TTC7B: variants seen among roughly 807,000 people sequenced by gnomAD.
The protein encoded by TTC7B is tetratricopeptide repeat domain 7B.
In TTC7B, 28 loss-of-function variants were observed where a neutral mutation model predicts 106.8. The ratio of observed to expected loss-of-function variants is 0.26; its 90% CI spans 0.19 to 0.36. TTC7B has a LOEUF of 0.36. Among genes scored for constraint, TTC7B ranks in the 10% least tolerant of loss-of-function variants. The pLI, the probability that TTC7B is intolerant of heterozygous loss-of-function variation, is 1.00. For missense variants in TTC7B, 862 were observed against 1,076.4 expected, an observed-to-expected ratio of 0.80 and a Z score of 2.79; for synonymous variants, 405 against 430.6, an observed-to-expected ratio of 0.94 and a Z score of 0.74.
chr14:90,582,281 A>G (rs551091077), intron 18 of TTC7B, among the ~76,000 whole-genome samples: 7 of 152,348 alleles, frequency 4.6e-5, no homozygotes, highest in African/African-American at 1.4e-4. Flanking sequence ...CCACAGTGTC[A>G]TGAGAACATG....
chr14:90,638,210 T>C (rs1235623202), intron 15 of TTC7B, among the ~76,000 whole-genome samples: 2 of 152,114 alleles, frequency 1.3e-5, no homozygotes. Context: ...TGGTAAAACA[T>C]TGAAAGAATT....
chr14:90,810,145 T>C (rs528373418), intron 1 of TTC7B, among the ~76,000 whole-genome samples: 1 of 152,338 alleles, frequency 6.6e-6, no homozygotes, highest in African/African-American at 2.4e-5. Context: ...AGGCTATTTA[T>C]AGTCTATTTC....
At chr14:90,610,962 G>T (rs1892848549) in intron 16 of TTC7B, 123 bp from the exon 17 acceptor site, 2 of 740,898 alleles carry the variant, frequency 2.7e-6, no homozygotes, top group Non-Finnish European at 4.8e-6. Flanking sequence ...ACGTTCTTCA[G>T]CATCTTTCTT....
At chr14:90,598,780 G>A (rs1435566853) in intron 17 of TTC7B, among the ~76,000 whole-genome samples, 1 of 152,216 alleles carries the variant, frequency 6.6e-6, no homozygotes, top group Non-Finnish European at 1.5e-5. Context: ...GACCTCAGCT[G>A]TGGCAATCAC....
At chr14:90,669,661 T>A (rs1207727611) in intron 9 of TTC7B, among the ~76,000 whole-genome samples, 2 of 151,966 alleles carry the variant, frequency 1.3e-5, no homozygotes, top group African/African-American at 2.4e-5. Context: ...AAATGGCCAA[T>A]AAGCACATAA....
At chr14:90,554,728 C>T (rs920933125) in intron 19 of TTC7B, among the ~76,000 whole-genome samples, 2 of 152,212 alleles carry the variant, frequency 1.3e-5, no homozygotes, top group African/African-American at 4.8e-5. Flanking sequence ...TGAGGGAGGA[C>T]ATTTCAAAAG....
rs761224219 is a variant in TTC7B, at chr14:90,780,832, C to T, written c.351G>A (p.Leu117=). The change falls in exon 3 of 20, where the codon CTG becomes CTA. Residue 117 remains leucine, a synonymous_variant. Transcript: ENST00000328459. ...CCAGGCCCACCCGGGCGTAAATGTT[C>T]AGAGCTTCTTTATAATCACCTTCCA... ...NYVEGDYKEA[L]NIYARVGLDD... 2 of 1,614,272 alleles carry T rather than the reference C, an allele frequency of 1.2e-6. No homozygotes were observed. Among genetic ancestry groups the T allele is most frequent in the Non-Finnish European group, 1.7e-6 (2 of 1,180,050 alleles).
intron 15 of TTC7B, among the ~76,000 whole-genome samples, chr14:90,636,883 C>T (rs1430776793): frequency 1.3e-5 from 2 of 150,694 alleles, no homozygotes; most frequent in South Asian, 4.2e-4. Context: ...ACAGCTACAG[C>T]AGCATTTAGA....
intron 17 of TTC7B, chr14:90,605,791 G>C: frequency 2.6e-6 from 3 of 1,176,340 alleles, no homozygotes; most frequent in Middle Eastern, 3.1e-4. Flanking sequence ...AAGGGTGAAG[G>C]CAAAAAAAAA....
intron 3 of TTC7B, among the ~76,000 whole-genome samples, chr14:90,774,492 C>T (rs1195983678): frequency 6.6e-6 from 1 of 152,208 alleles, no homozygotes; most frequent in Admixed American, 6.5e-5. Context: ...CCTCAGAAAG[C>T]CCTGTGGGAT....
Position 90,528,748 on chromosome 14 carries a change from G to A in TTC7B, c.*12620C>T, listed in dbSNP as rs1337767427. ...CCTGTTTCTGATGGTTGTTTCTGATGGTGTGACCCGACTGTGTTTTGTTAC... is the reference window on the plus strand; with the variant it reads ...CCTGTTTCTGATGGTTGTTTCTGATAGTGTGACCCGACTGTGTTTTGTTAC... On this transcript the variant is annotated 3_prime_UTR_variant, in exon 20 of 20. Transcript: ENST00000328459. 6.7e-6 allele frequency: 1 copy of A among 150,088 alleles called. No homozygotes were observed. The highest frequency in any genetic ancestry group is 1.5e-5 in the Non-Finnish European group (1 of 68,236). The allele number at this position is 150,088 out of a possible 1,614,324, so 9.3% of individuals were successfully genotyped here. A position where few individuals can be genotyped will look rare whatever the true frequency, so the allele number is the denominator to read the frequency against.
intron 9 of TTC7B, among the ~76,000 whole-genome samples, chr14:90,664,358 C>T (rs981147152): frequency 6.6e-6 from 1 of 152,168 alleles, no homozygotes; most frequent in Non-Finnish European, 1.5e-5. Flanking sequence ...CAAGCTCCGC[C>T]TCCTGGGATC....
intron 4 of TTC7B, among the ~76,000 whole-genome samples, chr14:90,730,875 A>G (rs756197199): frequency 6.6e-6 from 1 of 152,196 alleles, no homozygotes; most frequent in Non-Finnish European, 1.5e-5. Context: ...TTAGCCCTGC[A>G]CAAAAGACTG....
At chr14:90,650,030 G>A (rs919188295) in intron 13 of TTC7B, among the ~76,000 whole-genome samples, 1 of 152,122 alleles carries the variant, frequency 6.6e-6, no homozygotes, top group African/African-American at 2.4e-5. Context: ...CAGATCACCT[G>A]GCTAGAACCC....
At chr14:90,796,993 G>A (rs746739127) in intron 1 of TTC7B, among the ~76,000 whole-genome samples, 17 of 150,960 alleles carry the variant, frequency 1.1e-4, no homozygotes, top group South Asian at 2.1e-4. Flanking sequence ...TTACAGGCGC[G>A]CACCACCACA....
intron 7 of TTC7B, among the ~76,000 whole-genome samples, chr14:90,688,023 T>C (rs1887314056): frequency 6.6e-6 from 1 of 152,222 alleles, no homozygotes; most frequent in South Asian, 2.1e-4. Context: ...GGAGAAAGCG[T>C]GTAGTCACGC....
rs1439561281 is a variant in TTC7B at position 90,759,056 on chromosome 14, C to G, written c.446-14134G>C. 6.6e-6 allele frequency among the ~76,000 whole-genome samples: 1 copy of G among 152,176 alleles called. No homozygotes were observed. Among genetic ancestry groups the G allele is most frequent in the Non-Finnish European group, 1.5e-5 (1 of 68,012 alleles). On this transcript the variant is annotated intron_variant, in intron 3 of 19. Transcript: ENST00000328459. This position sits in a 1 kb window ranked among gnomAD's most constrained non-coding sequence, Gnocchi z 4.1. The stretch of plus-strand genomic sequence containing the variant: ...GTCTGTCTTGAGAGACTGCGGTGGG[C>G]CCTGCAGGGCAGCTGCCTGCCTCTG...
At chr14:90,671,665 A>C (rs1320190210) in intron 9 of TTC7B, among the ~76,000 whole-genome samples, 1 of 152,234 alleles carries the variant, frequency 6.6e-6, no homozygotes, top group South Asian at 2.1e-4. Context: ...GTCTTTAAAA[A>C]CACAAAAACT....
At position 90,680,615 on chromosome 14, in the gene TTC7B, T is replaced by C. The variant is rs1595275741; in HGVS notation, c.951-80A>G. ...ACAAGCAGAACTGAACACTAAAAGC[T>C]TCCAGAATTTTATATAATACCCATG... is the stretch of plus-strand genomic sequence containing the variant. On this transcript the variant is annotated intron_variant, in intron 7 of 19. Transcript: ENST00000328459. 1.7e-5 allele frequency: 17 copies of C among 1,017,542 alleles called. No homozygotes were observed. In the South Asian group the frequency reaches 2.2e-4, roughly 13 times the overall value. 63.0% of individuals were successfully genotyped at this position (1,017,542 alleles called of 1,614,324 possible).
Sources: allele counts gnomAD v4.1 joint callset (sites outside exome capture counted in the v4.1 genomes callset), GRCh38; gene constraint gnomAD v4.1.1; non-coding constraint Gnocchi (gnomAD v3.1); transcripts MANE v1.5; gene names NCBI Gene and HGNC (gene_info 2026-07-23, HGNC 2026-07-21).